Variants in ADAMTS17 observed in about 807,000 individuals in gnomAD.
The protein encoded by ADAMTS17 is ADAM metallopeptidase with thrombospondin type 1 motif 17, also known as A disintegrin and metalloproteinase with thrombospondin motifs 17.
In ADAMTS17, 113 loss-of-function variants were observed where a neutral mutation model predicts 141.5. The ratio of observed to expected loss-of-function variants is 0.80; its 90% CI spans 0.69 to 0.93. ADAMTS17 has a LOEUF of 0.93. ADAMTS17 is among the 40% of genes least tolerant of loss of function. The probability of loss-of-function intolerance (pLI) is 0.00; values close to 1 mark genes in which losing one functional copy is unlikely to be tolerated. For synonymous variants in ADAMTS17, 768 were observed against 630.6 expected (o/e 1.22, Z -3.27); for missense variants, 1,659 against 1,517.9 (o/e 1.09, Z -1.54).
At chr15:100,201,100 G>A (rs776925812) in intron 7 of ADAMTS17, among the ~76,000 whole-genome samples, 2 of 152,186 alleles carry the variant, frequency 1.3e-5, no homozygotes, top group Non-Finnish European at 2.9e-5. Context: ...CTTTGCTGAT[G>A]TCCAAATCAA....
chr15:100,315,614 C>A (rs749876828), intron 3 of ADAMTS17, among the ~76,000 whole-genome samples: 1 of 152,104 alleles, frequency 6.6e-6, no homozygotes, highest in African/African-American at 2.4e-5. Context: ...GGTGGGTGGA[C>A]CAATCCAGTC....
chr15:100,153,789 A>G (rs1366811873), intron 9 of ADAMTS17, among the ~76,000 whole-genome samples: 2 of 152,348 alleles, frequency 1.3e-5, no homozygotes, highest in East Asian at 1.9e-4. Flanking sequence ...ATTCTTAAGG[A>G]AAGAGTTGCA....
intron 18 of ADAMTS17, among the ~76,000 whole-genome samples, chr15:100,005,378 T>C (rs2061017771): frequency 6.6e-6 from 1 of 152,278 alleles, no homozygotes; most frequent in South Asian, 2.1e-4. Flanking sequence ...GAGGGCTGGT[T>C]CCTCCTGGAG....
chr15:100,245,627 T>C (rs138301681), intron 7 of ADAMTS17, among the ~76,000 whole-genome samples: 8 of 152,364 alleles, frequency 5.3e-5, no homozygotes, highest in African/African-American at 1.9e-4. Flanking sequence ...CAAGAAAAGT[T>C]GAACTTGGTC....
chr15:100,011,178 C>G (rs74036685), intron 18 of ADAMTS17, among the ~76,000 whole-genome samples: 21,573 of 145,846 alleles, frequency 0.15, 1,751 homozygotes, highest in Admixed American at 0.22. Flanking sequence ...GATGGGTGAT[C>G]AGCCAGGGTC....
intron 15 of ADAMTS17, among the ~76,000 whole-genome samples, chr15:100,080,755 A>G (rs2034679899): frequency 6.6e-6 from 1 of 152,206 alleles, no homozygotes; most frequent in African/African-American, 2.4e-5. Context: ...CTTTTCCTTT[A>G]TCATGTGACA....
chr15:100,037,467 G>A (rs1374815013), intron 18 of ADAMTS17, among the ~76,000 whole-genome samples: 1 of 151,254 alleles, frequency 6.6e-6, no homozygotes, highest in Non-Finnish European at 1.5e-5. Context: ...CTGGAGTGCA[G>A]TGGCGCAATT....
At chr15:100,086,090 T>C (rs544984480) in intron 15 of ADAMTS17, among the ~76,000 whole-genome samples, 36 of 152,022 alleles carry the variant, frequency 2.4e-4, no homozygotes, top group African/African-American at 7.7e-4. Flanking sequence ...GTGTGCTGTA[T>C]TCAGGAAACC....
intron 3 of ADAMTS17, among the ~76,000 whole-genome samples, chr15:100,321,385 T>C (rs74247550): frequency 0.095 from 14,374 of 152,092 alleles, 1,127 homozygotes; most frequent in East Asian, 0.25. Context: ...AAACACTAAC[T>C]CTGCCAATGA....
At chr15:100,301,334 TA>T (rs1567509707) in intron 3 of ADAMTS17, among the ~76,000 whole-genome samples, 1 of 148,750 alleles carries the variant, frequency 6.7e-6, no homozygotes. Flanking sequence ...TATATATATA[TA>T]TATATTTTTC....
chr15:100,072,068 C>T (rs975212075), intron 15 of ADAMTS17, among the ~76,000 whole-genome samples: 1 of 150,222 alleles, frequency 6.7e-6, no homozygotes, highest in Non-Finnish European at 1.5e-5. Flanking sequence ...TCTGAGGATA[C>T]AAAATCAATG....
intron 7 of ADAMTS17, among the ~76,000 whole-genome samples, chr15:100,210,193 T>C (rs1567359304): frequency 1.6e-5 from 2 of 121,810 alleles, no homozygotes; most frequent in African/African-American, 3.3e-5. Context: ...ATCGTGCCAC[T>C]GCACTCCAGC....
At chr15:100,123,763 G>C (rs1362093314) in intron 12 of ADAMTS17, among the ~76,000 whole-genome samples, 2 of 152,186 alleles carry the variant, frequency 1.3e-5, no homozygotes, top group Non-Finnish European at 2.9e-5. Context: ...ACGAGCAAGA[G>C]GTGGAGAGAA....
At chr15:100,245,849 G>T (rs10794479) in intron 7 of ADAMTS17, among the ~76,000 whole-genome samples, 100,832 of 152,048 alleles carry the variant, frequency 0.66, 34,295 homozygotes, top group South Asian at 0.86. Context: ...CACTTCCATG[G>T]GTGTGCATGC....
intron 3 of ADAMTS17, among the ~76,000 whole-genome samples, chr15:100,288,034 C>CTA (rs1342214333): frequency 6.6e-6 from 1 of 152,110 alleles, no homozygotes; most frequent in African/African-American, 2.4e-5. Flanking sequence ...TATAAACAAA[C>CTA]TAAAGGCCCC....
At chr15:100,138,635 G>A (rs542130196) in intron 10 of ADAMTS17, among the ~76,000 whole-genome samples, 3 of 152,310 alleles carry the variant, frequency 2.0e-5, no homozygotes, top group South Asian at 4.1e-4. Flanking sequence ...TAAGAGATCC[G>A]AAGAACCAAG....
At chr15:100,110,161 G>A (rs2036664674) in intron 13 of ADAMTS17, among the ~76,000 whole-genome samples, 1 of 104,236 alleles carries the variant, frequency 9.6e-6, no homozygotes. Flanking sequence ...CTCACAGAAA[G>A]ACTCAGTATA....
intron 18 of ADAMTS17, among the ~76,000 whole-genome samples, chr15:100,021,239 C>G (rs767412000): frequency 3.3e-5 from 5 of 152,188 alleles, no homozygotes; most frequent in Admixed American, 6.5e-5. Flanking sequence ...GTGCGTGTCA[C>G]AGACCACTCT....
Position 99,997,474 on chromosome 15 carries a change from G to A in ADAMTS17, c.2707C>T (p.Leu903Phe). 1 of 1,613,572 alleles carries A rather than the reference G, an allele frequency of 6.2e-7. No homozygotes were observed. The highest frequency in any genetic ancestry group is 1.3e-5 in the African/African-American group (1 of 75,060). Residue 903 changes from leucine (L) to phenylalanine (F), a missense_variant, in exon 19 of 22, where the codon CTC becomes TTC. By Grantham distance (22) the Leu-to-Phe change is conservative (BLOSUM62 0). Transcript: ENST00000268070. This position sits in a 1 kb window ranked among gnomAD's most constrained non-coding sequence, Gnocchi z 4.7. Reference sequence around the variant, plus strand: ...GCCGGCCGGGGGCCCGGGCAGTAGAGGGGCCGCGTAGCGACGTGTGTGCCG... The same window carrying A: ...GCCGGCCGGGGGCCCGGGCAGTAGAAGGGCCGCGTAGCGACGTGTGTGCCG... The part of the protein sequence containing the change: ...QNGTHVATRP[L>F]YCPGPRPAAV...
Sources: allele counts gnomAD v4.1 joint callset (sites outside exome capture counted in the v4.1 genomes callset), GRCh38; gene constraint gnomAD v4.1.1; non-coding constraint Gnocchi (gnomAD v3.1); transcripts MANE v1.5; gene names NCBI Gene and HGNC (gene_info 2026-07-23, HGNC 2026-07-21).